CHN2: variants seen among roughly 807,000 people sequenced by gnomAD.
The protein encoded by CHN2 is chimerin 2.
A neutral mutation model predicts 56.3 loss-of-function variants in CHN2; 35 were observed. The observed-to-expected ratio is 0.62, with a 90% CI of 0.47 to 0.82. CHN2 has a LOEUF of 0.82. Among genes scored for constraint, CHN2 ranks in the 40% least tolerant of loss-of-function variants. The pLI is 0.00. For synonymous variants in CHN2, 210 were observed against 212.8 expected (o/e 0.99, Z 0.12); for missense variants, 491 against 580.5 (o/e 0.85, Z 1.58).
At position 29,504,760 on chromosome 7, in the gene CHN2, C is replaced by G. The variant is rs769900225; in HGVS notation, c.930C>G (p.Gly310=). ...CTCTAACAGGATTAAAATCGGAAGG[C>G]CTTTACAGAGTCTCTGGGTTCACTG... The part of the protein sequence containing the change: ...EIEARGLKSE[G]LYRVSGFTEH... Residue 310 remains glycine, a synonymous_variant, in exon 10 of 13, where the codon GGC becomes GGG. Transcript: ENST00000222792. 3 of 1,610,770 alleles carry G rather than the reference C, an allele frequency of 1.9e-6. No homozygotes were observed. The highest frequency in any genetic ancestry group is 1.3e-5 in the African/African-American group (1 of 74,424).
intron 6 of CHN2, among the ~76,000 whole-genome samples, chr7:29,458,718 C>T (rs3793261): frequency 0.14 from 20,899 of 152,122 alleles, 1,552 homozygotes; most frequent in East Asian, 0.3. Context: ...TATGACTGTT[C>T]GATCAAACTA....
intron 3 of CHN2, among the ~76,000 whole-genome samples, chr7:29,377,428 G>A (rs777055889): frequency 3.9e-5 from 6 of 152,122 alleles, no homozygotes; most frequent in Non-Finnish European, 7.4e-5. Context: ...CTTATCTGTG[G>A]CTATGCATGA....
rs569205759 is a variant in CHN2, at chr7:29,475,873, GGGA to G, written c.577-4401_577-4399del. Among the ~76,000 whole-genome samples the G allele has an allele frequency of 1.5e-4, 23 of 152,358 alleles. No homozygotes were observed. The South Asian group carries it at 4.1e-3, about 27-fold the overall frequency. ...AGCAGATTGGTGTTTGCCAGAGGTT[GGGA>G]GGAGAAGAGAATGAGCAGTGGTACT... On this transcript the variant is annotated intron_variant, in intron 6 of 12. Coordinates refer to ENST00000222792, the MANE Select transcript of CHN2 (RefSeq NM_004067.4).
intron 1 of CHN2, among the ~76,000 whole-genome samples, chr7:29,215,801 A>T (rs1785292322): frequency 6.6e-6 from 1 of 152,028 alleles, no homozygotes; most frequent in East Asian, 1.9e-4. Flanking sequence ...AAGGACCATA[A>T]CCTATGGGAC....
chr7:29,350,378 G>T (rs1279645636), intron 1 of CHN2, among the ~76,000 whole-genome samples: 1 of 152,126 alleles, frequency 6.6e-6, no homozygotes, highest in Non-Finnish European at 1.5e-5. Context: ...GTGTGTGTTG[G>T]TGGGGCAGAG....
intron 1 of CHN2, among the ~76,000 whole-genome samples, chr7:29,278,167 C>A (rs1315402003): frequency 1.3e-5 from 2 of 152,152 alleles, no homozygotes; most frequent in African/African-American, 2.4e-5. Flanking sequence ...TGGTTTGCAA[C>A]CTTGACTGCA....
At chr7:29,425,031 TTGGTGACTCA>T (rs796865551) in intron 6 of CHN2, among the ~76,000 whole-genome samples, 76 of 152,366 alleles carry the variant, frequency 5.0e-4, no homozygotes, top group African/African-American at 1.8e-3. Flanking sequence ...GCAGTGGATG[TTGGTGACTCA>T]CACACTGTTG....
intron 2 of CHN2, chr7:29,147,159 G>T (rs776478230): frequency 5.1e-5 from 36 of 711,632 alleles, no homozygotes; most frequent in Non-Finnish European, 8.1e-5. Flanking sequence ...CCACCACCAG[G>T]TGCTGGGCAT....
intron 2 of CHN2, among the ~76,000 whole-genome samples, chr7:29,157,909 CATTTTACTCTTCCTTATGAAAA>C (rs760950612): frequency 2.3e-4 from 35 of 152,282 alleles, no homozygotes; most frequent in Admixed American, 4.6e-4. Context: ...GCAGTCCTTT[CATTTTACTCTTCCTTATGAAAA>C]TACTGTTTCT....
At chr7:29,331,646 A>C (rs1051255034) in intron 1 of CHN2, among the ~76,000 whole-genome samples, 7 of 152,310 alleles carry the variant, frequency 4.6e-5, no homozygotes, top group African/African-American at 1.7e-4. Flanking sequence ...CCCTTGTCGG[A>C]GAATCAGTTC....
chr7:29,208,407 A>G (rs1164500765), intron 1 of CHN2, among the ~76,000 whole-genome samples: 2 of 152,116 alleles, frequency 1.3e-5, no homozygotes, highest in South Asian at 4.1e-4. Flanking sequence ...TCTCATTCAG[A>G]GTGTTTTCCT....
intron 1 of CHN2, among the ~76,000 whole-genome samples, chr7:29,332,589 A>G (rs1223905602): frequency 1.3e-5 from 1 of 76,202 alleles, no homozygotes; most frequent in Non-Finnish European, 3.4e-5. Flanking sequence ...CTCCAGGGTA[A>G]ACAGCCCATC....
At chr7:29,231,940 A>T (rs1786747123) in intron 1 of CHN2, among the ~76,000 whole-genome samples, 1 of 152,242 alleles carries the variant, frequency 6.6e-6, no homozygotes. Context: ...ATTTCTAATA[A>T]TATTACAGAA....
At chr7:29,299,504 G>T (rs1288291262) in intron 1 of CHN2, among the ~76,000 whole-genome samples, 2 of 152,062 alleles carry the variant, frequency 1.3e-5, no homozygotes, top group Non-Finnish European at 2.9e-5. Context: ...CAGCAACACC[G>T]CCTCTGCTGC....
chr7:29,211,721 G>A (rs1042129488), intron 1 of CHN2, among the ~76,000 whole-genome samples: 7 of 152,058 alleles, frequency 4.6e-5, no homozygotes, highest in East Asian at 1.9e-4. Flanking sequence ...GCATGGTTGC[G>A]GTATACAGAA....
At chr7:29,319,685 T>C (rs942691662) in intron 1 of CHN2, among the ~76,000 whole-genome samples, 39 of 152,288 alleles carry the variant, frequency 2.6e-4, no homozygotes, top group African/African-American at 8.9e-4. Context: ...TGGCCTCCAT[T>C]TCCACAAAGC....
At chr7:29,440,975 GT>G (rs545817106) in intron 6 of CHN2, among the ~76,000 whole-genome samples, 32 of 151,892 alleles carry the variant, frequency 2.1e-4, no homozygotes, top group African/African-American at 6.8e-4. Flanking sequence ...GTGATGTTAT[GT>G]TTTTTTAATA....
intron 3 of CHN2, among the ~76,000 whole-genome samples, chr7:29,370,508 TC>T (rs1350761112): frequency 6.6e-6 from 1 of 152,194 alleles, no homozygotes; most frequent in Non-Finnish European, 1.5e-5. Flanking sequence ...ATCTTCCTCT[TC>T]TACGCAGCTC....
chr7:29,234,155 C>T (rs1172402111), intron 1 of CHN2, among the ~76,000 whole-genome samples: 1 of 152,036 alleles, frequency 6.6e-6, no homozygotes, highest in Non-Finnish European at 1.5e-5. Flanking sequence ...TTACCTTGAA[C>T]GATTTCAGAC....
Sources: allele counts gnomAD v4.1 joint callset (sites outside exome capture counted in the v4.1 genomes callset), GRCh38; gene constraint gnomAD v4.1.1; transcripts MANE v1.5; gene names NCBI Gene and HGNC (gene_info 2026-07-23, HGNC 2026-07-21).